Variants in CPT1A observed in about 807,000 individuals in gnomAD.
The protein encoded by CPT1A is carnitine O-palmitoyltransferase 1, liver isoform.
In CPT1A, 64 loss-of-function variants were observed where a neutral mutation model predicts 100.8. The ratio of observed to expected loss-of-function variants is 0.63; its 90% CI spans 0.52 to 0.78. The LOEUF is 0.78. CPT1A is among the 30% of genes least tolerant of loss of function. CPT1A has a pLI of 0.00. For missense variants in CPT1A, 802 were observed against 1,034.1 expected, an observed-to-expected ratio of 0.78 and a Z score of 3.08; for synonymous variants, 363 against 396.0, an observed-to-expected ratio of 0.92 and a Z score of 0.99.
rs1036527017 is a variant in CPT1A, at chr11:68,755,854, C to T, written c.*1790G>A. The T allele has an allele frequency of 7.3e-5, 11 of 150,700 alleles. No homozygotes were observed. The highest frequency in any genetic ancestry group is 2.7e-4 in the African/African-American group (11 of 41,088). 9.3% of individuals were successfully genotyped at this position (150,700 alleles called of 1,614,324 possible). On this transcript the variant is annotated 3_prime_UTR_variant, in exon 19 of 19. Transcript: ENST00000265641. ...GTGGGCCGCGCATGGTGGCTCATGC[C>T]TGTAATCCCAGCACTTTGGGAGGCT...
At chr11:68,765,896 C>T (rs531249903) in intron 14 of CPT1A, among the ~76,000 whole-genome samples, 1 of 149,740 alleles carries the variant, frequency 6.7e-6, no homozygotes, top group South Asian at 2.1e-4. Flanking sequence ...TTTTTGGAGA[C>T]AGTCTCACTC....
intron 9 of CPT1A, among the ~76,000 whole-genome samples, chr11:68,786,538 T>C (rs1855467018): frequency 6.6e-6 from 1 of 152,226 alleles, no homozygotes; most frequent in Non-Finnish European, 1.5e-5. Context: ...CCCGATCTCA[T>C]GTTTTTTTTG....
intron 14 of CPT1A, among the ~76,000 whole-genome samples, chr11:68,768,098 G>C (rs1345132564): frequency 1.4e-5 from 1 of 70,542 alleles, no homozygotes; most frequent in African/African-American, 9.1e-5. Flanking sequence ...TTTTTTGAGA[G>C]GGAGTCTCGC....
chr11:68,841,009 A>C lies in CPT1A; in HGVS notation c.-14+766T>G, dbSNP rs905654654. On this transcript the variant is annotated intron_variant, in intron 1 of 18. Transcript: ENST00000265641. This position sits in a 1 kb window ranked among gnomAD's most constrained non-coding sequence, Gnocchi z 6.3. The stretch of plus-strand genomic sequence containing the variant: ...CTCCCAAGCAGGCACTGGGCCCGGC[A>C]CCCTCATCCTGCTCACGGCAGCGCT... Among the ~76,000 whole-genome samples, 6 of 152,176 alleles carry C rather than the reference A, an allele frequency of 3.9e-5. No individual in the cohort carries two copies. Among genetic ancestry groups the C allele is most frequent in the African/African-American group, 1.4e-4 (6 of 41,440 alleles).
chr11:68,830,206 A>T (rs530387561), intron 1 of CPT1A, among the ~76,000 whole-genome samples: 1 of 152,170 alleles, frequency 6.6e-6, no homozygotes, highest in South Asian at 2.1e-4. Flanking sequence ...TGTGTCTGGG[A>T]GGTCGAGGCT....
intron 7 of CPT1A, among the ~76,000 whole-genome samples, chr11:68,796,523 T>G (rs1006358981): frequency 6.6e-6 from 1 of 152,118 alleles, no homozygotes; most frequent in Admixed American, 6.5e-5. Flanking sequence ...GCCATTGCAC[T>G]CCAGCCTGGG....
In CPT1A at chr11:68,793,379, A is replaced by C; in HGVS notation, c.903T>G (p.Ile301Met). The C allele has an allele frequency of 1.2e-6, 2 of 1,611,532 alleles. No homozygotes were observed. The highest frequency in any genetic ancestry group is 1.7e-6 in the Non-Finnish European group (2 of 1,178,802). The change falls in exon 9 of 19, where the codon ATT (isoleucine) becomes ATG (methionine). Residue 301 changes from isoleucine (I) to methionine (M), a missense_variant. Ile to Met is a conservative substitution (Grantham distance 10). Coordinates refer to ENST00000265641, the MANE Select transcript of CPT1A (RefSeq NM_001876.4). The stretch of plus-strand genomic sequence containing the variant: ...GCTCCCACTGAGCGGAGCAGAGTGG[A>C]ATCGTGGATCCCAAAAGACGAATCT... ...IKPIRLLGST[I>M]PLCSAQWERM...
chr11:68,809,777 G>A (rs1023765863), intron 3 of CPT1A, among the ~76,000 whole-genome samples: 1 of 152,202 alleles, frequency 6.6e-6, no homozygotes, highest in African/African-American at 2.4e-5. Flanking sequence ...AGGTTTAAGA[G>A]GTACAAAGAA....
At chr11:68,816,620 C>T (rs573147443) in intron 1 of CPT1A, among the ~76,000 whole-genome samples, 1 of 152,338 alleles carries the variant, frequency 6.6e-6, no homozygotes, top group South Asian at 2.1e-4. Flanking sequence ...CTGGACCCCC[C>T]GGGGTGGTGG....
intron 1 of CPT1A, among the ~76,000 whole-genome samples, chr11:68,830,305 G>C (rs933525518): frequency 6.6e-6 from 1 of 152,144 alleles, no homozygotes; most frequent in Non-Finnish European, 1.5e-5. Flanking sequence ...GGCTGAGTGG[G>C]GTTGGGGGAT....
chr11:68,820,773 G>A (rs140913676), intron 1 of CPT1A, among the ~76,000 whole-genome samples: 35 of 152,222 alleles, frequency 2.3e-4, no homozygotes, highest in African/African-American at 7.9e-4. Context: ...TTCCAGGGAC[G>A]TGAATCACCC....
At chr11:68,804,483 G>C (rs1470995632) in intron 4 of CPT1A, among the ~76,000 whole-genome samples, 1 of 152,192 alleles carries the variant, frequency 6.6e-6, no homozygotes, top group Non-Finnish European at 1.5e-5. Context: ...AGCTACTTGG[G>C]AGGCTGAGGT....
At chr11:68,808,303 T>C (rs1399731034) in intron 3 of CPT1A, among the ~76,000 whole-genome samples, 2 of 152,066 alleles carry the variant, frequency 1.3e-5, no homozygotes, top group Non-Finnish European at 1.5e-5. Context: ...ACAGGAAATG[T>C]TTTTGTTTGT....
At chr11:68,838,581 A>AAAAAAAAAC (rs1594383788) in intron 1 of CPT1A, among the ~76,000 whole-genome samples, 1 of 145,600 alleles carries the variant, frequency 6.9e-6, no homozygotes, top group African/African-American at 2.5e-5. Flanking sequence ...TTAAAAAAAA[A>AAAAAAAAAC]AAAAAAAAAA....
At chr11:68,775,235 C>T (rs756837662) in intron 13 of CPT1A, 81 bp downstream of exon 13, 2 of 1,193,102 alleles carry the variant, frequency 1.7e-6, no homozygotes, top group Non-Finnish European at 2.5e-6. Flanking sequence ...GCAGGAACTA[C>T]GGTTGGAAAA....
At chr11:68,792,664 A>G (rs1419321630) in intron 9 of CPT1A, among the ~76,000 whole-genome samples, 2 of 152,230 alleles carry the variant, frequency 1.3e-5, no homozygotes, top group African/African-American at 2.4e-5. Context: ...GCTGGAACAC[A>G]AATCCACCTT....
At chr11:68,824,684 A>T (rs1856675716) in intron 1 of CPT1A, among the ~76,000 whole-genome samples, 1 of 151,754 alleles carries the variant, frequency 6.6e-6, no homozygotes, top group Admixed American at 6.6e-5. Flanking sequence ...CAGCCTCCTG[A>T]GTAGTTGAGA....
intron 1 of CPT1A, among the ~76,000 whole-genome samples, chr11:68,839,344 G>A (rs1449355025): frequency 6.6e-6 from 1 of 152,126 alleles, no homozygotes; most frequent in African/African-American, 2.4e-5. Flanking sequence ...CTGCGGCTTC[G>A]CGCCCCGCCC....
At position 68,784,877 on chromosome 11, in the gene CPT1A, C is replaced by T. The variant is rs772724788; in HGVS notation, c.1101G>A (p.Leu367=). ...REMEQQMQRI[L]DNTSEPQPGE... Reference sequence around the variant, plus strand: ...CGGGCTGAGGCTCCGAGGTATTGTCCAGGATCCTCTGCATCTGCTGCTCCA... The same window carrying T: ...CGGGCTGAGGCTCCGAGGTATTGTCTAGGATCCTCTGCATCTGCTGCTCCA... Residue 367 remains leucine, a synonymous_variant, in exon 10 of 19, where the codon CTG becomes CTA. Transcript: ENST00000265641. 5.0e-6 allele frequency: 8 copies of T among 1,613,858 alleles called. No individual in the cohort carries two copies. In the South Asian group the frequency reaches 7.7e-5, roughly 16 times the overall value.
Sources: allele counts gnomAD v4.1 joint callset (sites outside exome capture counted in the v4.1 genomes callset), GRCh38; gene constraint gnomAD v4.1.1; non-coding constraint Gnocchi (gnomAD v3.1); transcripts MANE v1.5; gene names NCBI Gene and HGNC (gene_info 2026-07-23, HGNC 2026-07-21).